RPUSD3: variants seen among roughly 807,000 people sequenced by gnomAD.
RPUSD3 encodes the protein RNA pseudouridine synthase D3.
In RPUSD3, 36 loss-of-function variants were observed where a neutral mutation model predicts 35.1. That is an observed-to-expected ratio of 1.02 (90% CI 0.79 to 1.35). The LOEUF is 1.35. Ranked by LOEUF, RPUSD3 falls within the 40% of genes most tolerant of loss-of-function variation. The probability of loss-of-function intolerance (pLI) is 0.00; values close to 1 mark genes in which losing one functional copy is unlikely to be tolerated. For synonymous variants in RPUSD3, 202 were observed against 187.8 expected, an observed-to-expected ratio of 1.08 and a Z score of -0.62; for missense variants, 486 against 441.9, an observed-to-expected ratio of 1.10 and a Z score of -0.89.
At chr3:9,841,250 C>T (rs2082099265) in intron 4 of RPUSD3, 1 of 160,358 alleles carries the variant, frequency 6.2e-6, no homozygotes, top group African/African-American at 2.4e-5. Context: ...TGACTGCACA[C>T]TGAGCATAGG....
chr3:9,843,268 C>A, intron 2 of RPUSD3, 197 bp downstream of exon 2: 1 of 691,754 alleles, frequency 1.4e-6, no homozygotes. Flanking sequence ...TGCATCTTCT[C>A]CCCACTCTTA....
chr3:9,840,073 G>A (rs908278818), intron 7 of RPUSD3, 111 bp downstream of exon 7: 6 of 1,385,446 alleles, frequency 4.3e-6, no homozygotes, highest in Non-Finnish European at 4.9e-6. Flanking sequence ...GTTGAAACAG[G>A]GTTTCACCAT....
exon 8 of RPUSD3, chr3:9,839,036 C>T (rs1260225741): frequency 6.2e-7 from 1 of 1,614,162 alleles, no homozygotes; most frequent in East Asian, 2.2e-5. Context: ...GAGTACCTGT[C>T]TTTGGGGCTT....
At chr3:9,843,666 G>A in intron 1 of RPUSD3, 65 bp from the exon 2 acceptor site, 1 of 1,582,332 alleles carries the variant, frequency 6.3e-7, no homozygotes, top group Non-Finnish European at 8.6e-7. Context: ...TCCTATCTCC[G>A]GACGCCTCTT....
intron 6 of RPUSD3, 94 bp from the exon 7 acceptor site, chr3:9,840,401 A>G: frequency 1.2e-6 from 2 of 1,608,900 alleles, no homozygotes; most frequent in Non-Finnish European, 1.7e-6. Context: ...GCAGGGCCAC[A>G]GTATAGGCAG....
At position 9,838,407 on chromosome 3, in the gene RPUSD3, C is replaced by A. The variant is rs191637873; in HGVS notation, c.865-200G>T. On this transcript the variant is annotated intron_variant, in intron 8 of 8. Transcript: ENST00000383820. The stretch of plus-strand genomic sequence containing the variant: ...CAGCAGAGACTGGCTAGGGGGTCAC[C>A]CAATCAGTTTCCTCCTAGGCACACA... Among the ~76,000 whole-genome samples the A allele has an allele frequency of 6.6e-4, 101 of 152,290 alleles. 1 individual carries two copies. The highest frequency in any genetic ancestry group is 2.1e-3 in the African/African-American group (87 of 41,536).
At chr3:9,840,383 G>C in intron 6 of RPUSD3, 76 bp from the exon 7 acceptor site, 2 of 1,612,388 alleles carry the variant, frequency 1.2e-6, no homozygotes, top group South Asian at 1.1e-5. Context: ...GCTCCCAATA[G>C]ACTCCGGGCA....
chr3:9,843,834 G>A (rs555132910), intron 1 of RPUSD3, 56 bp downstream of exon 1: 180 of 1,561,964 alleles, frequency 1.2e-4, no homozygotes, highest in Middle Eastern at 6.7e-4. Flanking sequence ...GATCCCGCAC[G>A]TGCCTTCCCC....
chr3:9,838,340 C>T lies in RPUSD3; in HGVS notation c.865-133G>A, dbSNP rs888639534. ...GTTCTGCAACTGTTAATCATTTCCT[C>T]TTTGCACACAGATGTGCACATTCAC... On this transcript the variant is annotated intron_variant, in intron 8 of 8. Coordinates refer to ENST00000383820, the Ensembl canonical transcript of RPUSD3. 9.5e-6 allele frequency: 8 copies of T among 840,150 alleles called. No homozygotes were observed. The African/African-American group carries it at 1.2e-4, about 12-fold the overall frequency. The allele number at this position is 840,150 out of a possible 1,614,324, so 52.0% of individuals were successfully genotyped here. A position where few individuals can be genotyped will look rare whatever the true frequency, so the allele number is the denominator to read the frequency against.
rs1395535007 is a variant in RPUSD3, at chr3:9,842,511, A to G, written c.263-268T>C. On this transcript the variant is annotated intron_variant, in intron 2 of 8. Coordinates refer to ENST00000383820, the Ensembl canonical transcript of RPUSD3. ...AATGTCACATCACGGAGAGGTCTGA[A>G]TCTCCAATCTAATGTCTGCCTTCCT... The G allele has an allele frequency of 1.1e-5, 6 of 544,600 alleles. No individual in the cohort carries two copies. The African/African-American group carries it at 1.1e-4, about 10-fold the overall frequency. The allele number at this position is 544,600 out of a possible 1,614,324, so 33.7% of individuals were successfully genotyped here.
Position 9,840,048 on chromosome 3 carries a change from T to A in RPUSD3, c.724+136A>T, listed in dbSNP as rs2082080155. 5 of 1,148,554 alleles carry A rather than the reference T, an allele frequency of 4.4e-6. No homozygotes were observed. The East Asian group carries it at 1.3e-4, about 30-fold the overall frequency. The allele number at this position is 1,148,554 out of a possible 1,614,324, so 71.1% of individuals were successfully genotyped here. ...GGCGCCTGCCACCGTGCCCAGCTAA[T>A]TTTTGTAGTTTTTAGTTGAAACAGG... On this transcript the variant is annotated intron_variant, in intron 7 of 8. Coordinates refer to ENST00000383820, the Ensembl canonical transcript of RPUSD3.
chr3:9,843,420 C>A (rs576420857), intron 2 of RPUSD3, 45 bp downstream of exon 2: 1 of 1,608,206 alleles, frequency 6.2e-7, no homozygotes, highest in Non-Finnish European at 8.5e-7. Flanking sequence ...CACGCCGAGG[C>A]AGTCCCCTCC....
chr3:9,843,963 A>C, exon 1 of RPUSD3: 1 of 1,608,514 alleles, frequency 6.2e-7, no homozygotes, highest in Non-Finnish European at 8.5e-7. Context: ...CCACTCCAGA[A>C]CCGGCCCAAA....
rs1279422330 is a variant in RPUSD3 at position 9,840,818 on chromosome 3, G to C, written c.408-13C>G. On this transcript the variant is annotated splice_polypyrimidine_tract_variant and intron_variant, in intron 4 of 8. Coordinates refer to ENST00000383820, the Ensembl canonical transcript of RPUSD3. ...CCCAGAGCTTTCTCTGGAATAAGCAGACAAATCACACAAGTTAAAGTCCCT... is the reference window on the plus strand; with the variant it reads ...CCCAGAGCTTTCTCTGGAATAAGCACACAAATCACACAAGTTAAAGTCCCT... 6.2e-7 allele frequency: 1 copy of C among 1,602,222 alleles called. No homozygotes were observed. The highest frequency in any genetic ancestry group is 2.2e-5 in the East Asian group (1 of 44,810).
intron 7 of RPUSD3, chr3:9,839,581 A>ATT: frequency 6.6e-6 from 1 of 152,532 alleles, no homozygotes; most frequent in Non-Finnish European, 1.4e-5. Context: ...AGCCAAGTGC[A>ATT]GTTTTTTTTT....
exon 9 of RPUSD3, chr3:9,838,181 G>C: frequency 6.2e-7 from 1 of 1,612,086 alleles, no homozygotes; most frequent in East Asian, 2.2e-5. Context: ...TCAGGTGGAG[G>C]CGTCTGAGGA....
At chr3:9,840,388 C>T (rs747200637) in intron 6 of RPUSD3, 81 bp from the exon 7 acceptor site, 56 of 1,611,256 alleles carry the variant, frequency 3.5e-5, no homozygotes, top group African/African-American at 6.7e-5. Flanking sequence ...CAATAGACTC[C>T]GGGCAGGGCC....
chr3:9,842,295 CAGCACTAAAGAGTTTCCAG>C, intron 2 of RPUSD3, 52 bp from the exon 3 acceptor site: 1 of 1,570,904 alleles, frequency 6.4e-7, no homozygotes, highest in African/African-American at 1.3e-5. Flanking sequence ...ACCCTTTATG[CAGCACTAAAGAGTTTCCAG>C]AGCACTTTCT....
At chr3:9,839,460 G>T (rs956447168) in intron 7 of RPUSD3, 6 of 255,902 alleles carry the variant, frequency 2.3e-5, no homozygotes, top group Admixed American at 2.1e-4. Context: ...TGGGGTGCTA[G>T]CCTGAAGCTG....
Sources: gnomAD v4.1 joint callset for allele counts (sites outside exome capture counted in the v4.1 genomes callset) on GRCh38, gnomAD v4.1.1 for gene constraint, MANE v1.5 for transcripts, NCBI Gene and HGNC (gene_info 2026-07-23, HGNC 2026-07-21) for gene names.